KIAA0232: variants seen among roughly 807,000 people sequenced by gnomAD.
KIAA0232 encodes the protein KIAA0232.
In KIAA0232, 27 loss-of-function variants were observed where a neutral mutation model predicts 122.0. That is an observed-to-expected ratio of 0.22 (90% CI 0.16 to 0.31). The LOEUF (loss-of-function observed/expected upper bound fraction) is 0.31. Among genes scored for constraint, KIAA0232 ranks in the 10% least tolerant of loss-of-function variants. The probability of loss-of-function intolerance (pLI) is 1.00; values close to 1 mark genes in which losing one functional copy is unlikely to be tolerated. For missense variants in KIAA0232, 1,551 were observed against 1,634.2 expected (o/e 0.95, Z 0.88); for synonymous variants, 613 against 587.6 (o/e 1.04, Z -0.63).
At chr4:6,795,568 T>C (rs1242250181) in intron 1 of KIAA0232, among the ~76,000 whole-genome samples, 1 of 152,204 alleles carries the variant, frequency 6.6e-6, no homozygotes, top group African/African-American at 2.4e-5. Flanking sequence ...ATTTCACCTG[T>C]TTCTTTTTTA....
At position 6,876,676 on chromosome 4, in the gene KIAA0232, C is replaced by T. The variant is rs1721773709; in HGVS notation, c.3927C>T (p.Ala1309=). 1 of 1,610,570 alleles carries T rather than the reference C, an allele frequency of 6.2e-7. No individual in the cohort carries two copies. Among genetic ancestry groups the T allele is most frequent in the Non-Finnish European group, 8.5e-7 (1 of 1,176,846 alleles). ...ASECEECYTN[A]KGESGLEEYP... is the part of the protein sequence containing the mutation. Reference sequence around the variant, plus strand: ...ATGATTAAGAATGTTACACAAATGCCAAGGGAGAGAGTGGTTTAGAAGAAT... The same window carrying T: ...ATGATTAAGAATGTTACACAAATGCTAAGGGAGAGAGTGGTTTAGAAGAAT... Residue 1309 remains alanine (A), a synonymous_variant, in exon 9 of 10, where the codon GCC becomes GCT. Coordinates refer to ENST00000307659, the MANE Select transcript of KIAA0232 (RefSeq NM_014743.3).
At chr4:6,877,838 A>T (rs1721837281) in intron 9 of KIAA0232, among the ~76,000 whole-genome samples, 1 of 152,178 alleles carries the variant, frequency 6.6e-6, no homozygotes, top group Non-Finnish European at 1.5e-5. Flanking sequence ...CAGGATCAGT[A>T]CTTTGCATCC....
chr4:6,826,869 A>G (rs1176620904), intron 3 of KIAA0232, among the ~76,000 whole-genome samples: 1 of 152,156 alleles, frequency 6.6e-6, no homozygotes, highest in Non-Finnish European at 1.5e-5. Context: ...GCCAGATGTT[A>G]ATAAGATTAT....
intron 3 of KIAA0232, among the ~76,000 whole-genome samples, chr4:6,825,519 C>A (rs555660373): frequency 6.6e-6 from 1 of 152,206 alleles, no homozygotes; most frequent in East Asian, 1.9e-4. Flanking sequence ...TGCGCCATTG[C>A]ACTCCAGCCT....
chr4:6,792,137 G>A (rs1716923891), intron 1 of KIAA0232, among the ~76,000 whole-genome samples: 1 of 152,074 alleles, frequency 6.6e-6, no homozygotes, highest in African/African-American at 2.4e-5. Context: ...ACCCAGTCTT[G>A]GGTATGTCTT....
intron 1 of KIAA0232, among the ~76,000 whole-genome samples, chr4:6,804,002 T>G (rs1458151185): frequency 6.6e-6 from 1 of 152,210 alleles, no homozygotes; most frequent in African/African-American, 2.4e-5. Flanking sequence ...TAAAATGTGT[T>G]TTTGAGAATG....
chr4:6,878,601 C>T (rs1269367164), intron 9 of KIAA0232, among the ~76,000 whole-genome samples: 2 of 152,174 alleles, frequency 1.3e-5, no homozygotes, highest in Non-Finnish European at 2.9e-5. Flanking sequence ...TGACTACCTT[C>T]TTCTACTACC....
At chr4:6,808,557 G>A (rs1381133867) in intron 2 of KIAA0232, among the ~76,000 whole-genome samples, 1 of 150,984 alleles carries the variant, frequency 6.6e-6, no homozygotes, top group Non-Finnish European at 1.5e-5. Context: ...GCTAATACAG[G>A]ATGGTAAATA....
At chr4:6,809,931 A>T (rs1717801722) in intron 2 of KIAA0232, among the ~76,000 whole-genome samples, 1 of 152,180 alleles carries the variant, frequency 6.6e-6, no homozygotes, top group Admixed American at 6.5e-5. Context: ...GAAATTGTAG[A>T]TGACAAATAA....
chr4:6,810,817 C>T (rs1220681028), intron 2 of KIAA0232, among the ~76,000 whole-genome samples: 2 of 151,984 alleles, frequency 1.3e-5, no homozygotes, highest in Non-Finnish European at 2.9e-5. Flanking sequence ...ATGGCCTACA[C>T]GTATATGAAG....
chr4:6,793,375 T>C (rs1716991710), intron 1 of KIAA0232, among the ~76,000 whole-genome samples: 1 of 152,232 alleles, frequency 6.6e-6, no homozygotes, highest in African/African-American at 2.4e-5. Context: ...ATAGAGGCTC[T>C]AAAAAACTTA....
intron 3 of KIAA0232, among the ~76,000 whole-genome samples, chr4:6,835,765 A>G (rs952594500): frequency 6.6e-6 from 1 of 152,138 alleles, no homozygotes; most frequent in African/African-American, 2.4e-5. Flanking sequence ...AATGGTTTTC[A>G]TCTTCATCTG....
At position 6,824,702 on chromosome 4, in the gene KIAA0232, G is replaced by A. The variant is rs1189960783; in HGVS notation, c.231+18G>A. On this transcript the variant is annotated intron_variant, in intron 3 of 9. Transcript: ENST00000307659. ...AGGAACAGGTATTTACATATTTTAA[G>A]TGTTTTCTGAAAACTGATTGTATCT... The A allele has an allele frequency of 6.2e-7, 1 of 1,606,200 alleles. No homozygotes were observed. Among genetic ancestry groups the A allele is most frequent in the African/African-American group, 1.3e-5 (1 of 74,774 alleles).
rs1227703629 is a variant in KIAA0232, at chr4:6,858,521, A to G, written c.518+15A>G. The G allele has an allele frequency of 1.1e-5, 17 of 1,546,478 alleles. No individual in the cohort carries two copies. The highest frequency in any genetic ancestry group is 1.7e-4 in the Middle Eastern group (1 of 5,918). On this transcript the variant is annotated intron_variant, in intron 6 of 9. Transcript: ENST00000307659. ...CAAGTGGAAATGTATGTAAGATTGTATTCGGTAATAAAGTGTGCATTTGTT... is the reference window on the plus strand; with the variant it reads ...CAAGTGGAAATGTATGTAAGATTGTGTTCGGTAATAAAGTGTGCATTTGTT...
At position 6,810,189 on chromosome 4, in the gene KIAA0232, TATAGTAACCGAA is replaced by T. The variant is rs570040801; in HGVS notation, c.-270+5585_-270+5596del. On this transcript the variant is annotated intron_variant, in intron 2 of 9. Transcript: ENST00000307659. ...CTGACTTCAAATTATATTACAAGGG[TATAGTAACCGAA>T]ACAGCATGGTACTGGTGTAAAAATA... Among the ~76,000 whole-genome samples the T allele has an allele frequency of 3.7e-3, 565 of 152,208 alleles. 4 individuals are homozygous for T. Among genetic ancestry groups the T allele is most frequent in the African/African-American group, 0.013 (545 of 41,500 alleles).
intron 1 of KIAA0232, among the ~76,000 whole-genome samples, chr4:6,787,628 C>G (rs1716688312): frequency 6.6e-6 from 1 of 152,188 alleles, no homozygotes; most frequent in African/African-American, 2.4e-5. Flanking sequence ...TTCCATCAGT[C>G]TTTTTCTTTA....
intron 1 of KIAA0232, among the ~76,000 whole-genome samples, chr4:6,799,284 C>G (rs1231794103): frequency 6.7e-6 from 1 of 149,632 alleles, no homozygotes; most frequent in African/African-American, 2.5e-5. Context: ...ATTTAGGTGG[C>G]TGATAATCTA....
chr4:6,882,689 T>A lies in KIAA0232; in HGVS notation c.*1723T>A, dbSNP rs1218863713. On this transcript the variant is annotated 3_prime_UTR_variant, in exon 10 of 10. Transcript: ENST00000307659. ...GCATGTGTAAGGTTTTATGTTGCTG[T>A]TATTTATTTACGAACTTCAGATACG... 6.6e-6 allele frequency: 1 copy of A among 152,524 alleles called. No individual in the cohort carries two copies. Among genetic ancestry groups the A allele is most frequent in the African/African-American group, 2.4e-5 (1 of 41,376 alleles). 9.4% of individuals were successfully genotyped at this position (152,524 alleles called of 1,614,324 possible). A position where few individuals can be genotyped will look rare whatever the true frequency, so the allele number is the denominator to read the frequency against.
intron 3 of KIAA0232, among the ~76,000 whole-genome samples, chr4:6,836,320 GTTTGTTTTTTGT>G (rs1178366292): frequency 6.8e-6 from 1 of 146,078 alleles, no homozygotes; most frequent in Non-Finnish European, 1.5e-5. Flanking sequence ...GGGGTTGTTT[GTTTGTTTTTTGT>G]TTTGTTTTTT....
Sources: gnomAD v4.1 joint callset for allele counts (sites outside exome capture counted in the v4.1 genomes callset) on GRCh38, gnomAD v4.1.1 for gene constraint, MANE v1.5 for transcripts, NCBI Gene and HGNC (gene_info 2026-07-23, HGNC 2026-07-21) for gene names.